Variants in EFCAB6 observed in about 807,000 individuals in gnomAD.
EFCAB6 encodes EF-hand calcium binding domain 6, also known as EF-hand calcium-binding domain-containing protein 6.
In EFCAB6, 156 loss-of-function variants were observed where a neutral mutation model predicts 169.8. The ratio of observed to expected loss-of-function variants is 0.92; its 90% CI spans 0.81 to 1.05. The LOEUF is 1.05. EFCAB6 is among the 50% of genes least tolerant of loss of function. EFCAB6 has a pLI of 0.00. For missense variants in EFCAB6, 1,800 were observed against 1,829.1 expected, an observed-to-expected ratio of 0.98 and a Z score of 0.29; for synonymous variants, 698 against 676.4, an observed-to-expected ratio of 1.03 and a Z score of -0.50.
At chr22:43,693,528 G>A (rs2058477765) in intron 10 of EFCAB6, among the ~76,000 whole-genome samples, 1 of 148,124 alleles carries the variant, frequency 6.8e-6, no homozygotes, top group East Asian at 2.0e-4. Flanking sequence ...GTGCTATGGG[G>A]CATCCTAGAT....
intron 18 of EFCAB6, among the ~76,000 whole-genome samples, chr22:43,633,682 C>T (rs1281436921): frequency 4.6e-5 from 7 of 152,186 alleles, no homozygotes; most frequent in South Asian, 2.1e-4. Flanking sequence ...TGGTTCCAGA[C>T]GTGGTTCTCT....
intron 12 of EFCAB6, among the ~76,000 whole-genome samples, chr22:43,680,951 ATTTC>A (rs886853269): frequency 6.6e-5 from 10 of 152,030 alleles, no homozygotes; most frequent in African/African-American, 1.7e-4. Context: ...GATGCCTTTT[ATTTC>A]TTTTTCTTTC....
At chr22:43,578,546 C>A (rs1329923373) in intron 25 of EFCAB6, among the ~76,000 whole-genome samples, 1 of 152,070 alleles carries the variant, frequency 6.6e-6, no homozygotes, top group Non-Finnish European at 1.5e-5. Flanking sequence ...CACCTGGGAG[C>A]ACCACCTCAC....
intron 22 of EFCAB6, among the ~76,000 whole-genome samples, chr22:43,605,540 G>T (rs574039802): frequency 1.3e-5 from 2 of 152,212 alleles, no homozygotes; most frequent in African/African-American, 4.8e-5. Context: ...CTACTTGGGA[G>T]GCTGAGACAG....
chr22:43,560,512 G>A (rs2048964731), intron 26 of EFCAB6, among the ~76,000 whole-genome samples: 1 of 152,212 alleles, frequency 6.6e-6, no homozygotes, highest in South Asian at 2.1e-4. Context: ...TGTGGTCAAC[G>A]TAAAGGTAAC....
chr22:43,806,227 A>C (rs1051264102), intron 2 of EFCAB6, among the ~76,000 whole-genome samples: 1 of 151,502 alleles, frequency 6.6e-6, no homozygotes, highest in Non-Finnish European at 1.5e-5. Flanking sequence ...AAAAGAGAAG[A>C]AGCAATGCTT....
Position 43,537,887 on chromosome 22 carries a change from C to G in EFCAB6, c.3880-342G>C, listed in dbSNP as rs1319112745. ...CAAATTTTTTCACTAGCGGAAGAGT[C>G]TTATCCAAGAAAGGGATTTACTTGT... On this transcript the variant is annotated intron_variant, in intron 28 of 31. Transcript: ENST00000262726. The surrounding 1 kb of genome is among the most constrained non-coding windows in gnomAD (Gnocchi z 4.3). Among the ~76,000 whole-genome samples the G allele has an allele frequency of 1.3e-5, 2 of 152,132 alleles. No individual in the cohort carries two copies. Among genetic ancestry groups the G allele is most frequent in the South Asian group, 4.1e-4 (2 of 4,830 alleles).
chr22:43,720,743 T>C (rs2059495201), intron 8 of EFCAB6, among the ~76,000 whole-genome samples: 1 of 151,790 alleles, frequency 6.6e-6, no homozygotes, highest in African/African-American at 2.4e-5. Flanking sequence ...GGAAAAAAGA[T>C]CCTATCTTTT....
intron 22 of EFCAB6, among the ~76,000 whole-genome samples, chr22:43,606,420 G>C (rs79427405): frequency 6.6e-6 from 1 of 152,204 alleles, no homozygotes; most frequent in Non-Finnish European, 1.5e-5. Context: ...CATTTGCTGG[G>C]TGAACAAATG....
chr22:43,568,030 A>C (rs989072272), intron 26 of EFCAB6, among the ~76,000 whole-genome samples: 2 of 152,296 alleles, frequency 1.3e-5, no homozygotes, highest in African/African-American at 4.8e-5. Context: ...AGGCACACTC[A>C]CAGGCAGGAG....
intron 6 of EFCAB6, among the ~76,000 whole-genome samples, chr22:43,741,221 CGGGCTCT>C (rs2060357910): frequency 6.6e-6 from 1 of 152,072 alleles, no homozygotes; most frequent in Non-Finnish European, 1.5e-5. Context: ...CCACGGTCTC[CGGGCTCT>C]GGGCTTCAGC....
intron 19 of EFCAB6, among the ~76,000 whole-genome samples, chr22:43,630,544 T>C (rs1004136347): frequency 6.6e-6 from 1 of 152,132 alleles, no homozygotes; most frequent in Non-Finnish European, 1.5e-5. Context: ...GGAGAGAGTC[T>C]GAGAGAGGGA....
chr22:43,656,464 A>C (rs1329793864), intron 17 of EFCAB6, among the ~76,000 whole-genome samples: 1 of 152,194 alleles, frequency 6.6e-6, no homozygotes, highest in African/African-American at 2.4e-5. Context: ...ACAATTAATA[A>C]AATGAACCCA....
rs561485859 is a variant in EFCAB6 at position 43,722,552 on chromosome 22, A to C, written c.758-5580T>G. Among the ~76,000 whole-genome samples the C allele has an allele frequency of 4.4e-4, 67 of 152,072 alleles. 2 individuals are homozygous for C. In the South Asian group the frequency reaches 7.1e-3, roughly 16 times the overall value. On this transcript the variant is annotated intron_variant, in intron 8 of 31. Coordinates refer to ENST00000262726, the MANE Select transcript of EFCAB6 (RefSeq NM_022785.4). ...CTCAAAAAAAAAAAAAAGTCAAAAA[A>C]CAACAGATGCTGGCAAGGCTGCAGA...
At chr22:43,760,247 A>G (rs923657946) in intron 5 of EFCAB6, among the ~76,000 whole-genome samples, 3 of 151,822 alleles carry the variant, frequency 2.0e-5, no homozygotes, top group African/African-American at 7.2e-5. Context: ...GAAAACAAAT[A>G]TAAGTATATA....
At chr22:43,602,665 A>G (rs548716875) in intron 22 of EFCAB6, among the ~76,000 whole-genome samples, 32 of 152,182 alleles carry the variant, frequency 2.1e-4, no homozygotes, top group African/African-American at 7.7e-4. Flanking sequence ...TCATTCTGAC[A>G]GGAGGGTTCC....
At chr22:43,672,156 T>G in intron 14 of EFCAB6, 23 bp from the exon 15 acceptor site, 1 of 1,612,908 alleles carries the variant, frequency 6.2e-7, no homozygotes, top group Non-Finnish European at 8.5e-7. Flanking sequence ...AACAAACATA[T>G]TTCCTAAGCC....
At chr22:43,624,716 C>A (rs1412247214) in intron 20 of EFCAB6, among the ~76,000 whole-genome samples, 1 of 152,214 alleles carries the variant, frequency 6.6e-6, no homozygotes, top group Non-Finnish European at 1.5e-5. Flanking sequence ...TCATACTCGA[C>A]CCTGAGCCCC....
chr22:43,610,417 G>A lies in EFCAB6; in HGVS notation c.2563-1817C>T, dbSNP rs1398849730. On this transcript the variant is annotated intron_variant, in intron 21 of 31. Coordinates refer to ENST00000262726, the MANE Select transcript of EFCAB6 (RefSeq NM_022785.4). ...GGAAACCTGACCAATAAATGACCAA[G>A]TGAATATACTCAATCTCACTAATAA... is the stretch of plus-strand genomic sequence containing the variant. 2.0e-5 allele frequency among the ~76,000 whole-genome samples: 3 copies of A among 152,168 alleles called. No individual in the cohort carries two copies. The East Asian group carries it at 5.8e-4, about 29-fold the overall frequency.
Sources: gnomAD v4.1 joint callset for allele counts (sites outside exome capture counted in the v4.1 genomes callset) on GRCh38, gnomAD v4.1.1 for gene constraint, Gnocchi (gnomAD v3.1) non-coding constraint, MANE v1.5 for transcripts, NCBI Gene and HGNC (gene_info 2026-07-23, HGNC 2026-07-21) for gene names.